KIF26A: variants seen among roughly 807,000 people sequenced by gnomAD.
KIF26A encodes kinesin-like protein KIF26A.
Under a neutral mutation model 126.0 loss-of-function variants are expected in KIF26A, and 74 were observed. The ratio of observed to expected loss-of-function variants is 0.59; its 90% CI spans 0.49 to 0.71. The LOEUF (loss-of-function observed/expected upper bound fraction) is 0.71, where lower values mean the gene tolerates loss of function less well. KIF26A is among the 30% of genes least tolerant of loss of function. KIF26A has a pLI of 0.00. For synonymous variants in KIF26A, 1,445 were observed against 1,232.7 expected (o/e 1.17, Z -3.61); for missense variants, 2,984 against 2,763.3 (o/e 1.08, Z -1.79).
chr14:104,171,750 G>T lies in KIF26A; in HGVS notation c.1141G>T (p.Ala381Ser), dbSNP rs769390689. Residue 381 changes from alanine to serine, a missense_variant, in exon 6 of 15, where the codon GCA (alanine) becomes TCA (serine). Transcript: ENST00000423312. ...GAAGGTTATGCTGCGGATCTGGCCC[G>T]CACAGGGGGCCCAGCGCTCGGCCGA... ...KVKVMLRIWP[A>S]QGAQRSAEAM... 4.4e-6 allele frequency: 7 copies of T among 1,578,770 alleles called. No homozygotes were observed. Among genetic ancestry groups the T allele is most frequent in the Middle Eastern group, 1.7e-4 (1 of 6,018 alleles).
Position 104,175,497 on chromosome 14 carries a change from TG to T in KIF26A, c.2711del (p.Gly904ValfsTer38), listed in dbSNP as rs1017909673. 2 of 1,595,278 alleles carry T rather than the reference TG, an allele frequency of 1.3e-6. No homozygotes were observed. The highest frequency in any genetic ancestry group is 1.7e-6 in the Non-Finnish European group (2 of 1,177,740). On this transcript the variant is annotated frameshift_variant, in exon 12 of 15. Transcript: ENST00000423312. LOFTEE classifies it high-confidence loss of function. ...CTGCCAGCACCCCTCGAGGCAGTTC[TG>T]GTCCAGACACCCACCAGGGTACCCC... ...MAASTPRGSSGPDTHQGTPEP... is the reference protein window; with the variant it reads ...MAASTPRGSSXPDTHQGTPEP...
chr14:104,162,966 A>G (rs28613749), intron 4 of KIF26A, among the ~76,000 whole-genome samples: 77,617 of 152,096 alleles, frequency 0.51, 20,301 homozygotes, highest in African/African-American at 0.64. Context: ...TTGGAGCAGC[A>G]CCAGGCAGCA....
chr14:104,172,095 G>T (rs1195987654), intron 6 of KIF26A, among the ~76,000 whole-genome samples, 160 bp downstream of exon 6: 1 of 152,238 alleles, frequency 6.6e-6, no homozygotes, highest in African/African-American at 2.4e-5. Flanking sequence ...CTCCCTCATC[G>T]TCCTGGCCAG....
In KIF26A at chr14:104,139,064, C is replaced by A. The variant is rs1372190794; in HGVS notation, c.64C>A (p.Arg22Ser). ...QPAVAEGGPA[R>S]EPPPLLEVSP... ...GCAGGTGGCCGAGGGCGGCCCGGCC[C>A]GCGAGCCGCCGCCGCTGCTGGAGGT... The change falls in exon 2 of 15, where the codon CGC becomes AGC. Residue 22 changes from arginine to serine, a missense_variant. Arg to Ser is a moderately radical substitution (Grantham distance 110). Transcript: ENST00000423312. 3.6e-6 allele frequency: 5 copies of A among 1,381,418 alleles called. No homozygotes were observed. The highest frequency in any genetic ancestry group is 1.9e-6 in the Non-Finnish European group (2 of 1,074,816). The allele number at this position is 1,381,418 out of a possible 1,614,324, so 85.6% of individuals were successfully genotyped here. A position where few individuals can be genotyped will look rare whatever the true frequency, so the allele number is the denominator to read the frequency against.
chr14:104,154,333 G>A (rs991978592), intron 3 of KIF26A, among the ~76,000 whole-genome samples: 3 of 152,196 alleles, frequency 2.0e-5, no homozygotes, highest in Non-Finnish European at 2.9e-5. Context: ...CCTCGGCCGA[G>A]GCTTGGCAGG....
At chr14:104,177,980 C>A in intron 12 of KIF26A, 82 bp downstream of exon 12, 1 of 1,353,832 alleles carries the variant, frequency 7.4e-7, no homozygotes, top group African/African-American at 1.5e-5. Flanking sequence ...GTTTACAGGG[C>A]CAGGAGATGC....
intron 2 of KIF26A, among the ~76,000 whole-genome samples, chr14:104,149,238 G>GC (rs1193704309): frequency 6.6e-6 from 1 of 152,182 alleles, no homozygotes; most frequent in African/African-American, 2.4e-5. Context: ...GCCTCTCAGT[G>GC]CCCCCCATGG....
rs1306045849 is a variant in KIF26A, at chr14:104,179,887, C to T, written c.*97C>T. On this transcript the variant is annotated 3_prime_UTR_variant, in exon 15 of 15. Transcript: ENST00000423312. ...TGGTGGGGGCTGCGGGGGGAGGATGCGGAGGGGTTTCTGTGCAGGACGGGA... is the reference window on the plus strand; with the variant it reads ...TGGTGGGGGCTGCGGGGGGAGGATGTGGAGGGGTTTCTGTGCAGGACGGGA... 144 of 1,182,940 alleles carry T rather than the reference C, an allele frequency of 1.2e-4. No homozygotes were observed. The highest frequency in any genetic ancestry group is 1.1e-4 in the Non-Finnish European group (101 of 886,378). 73.3% of individuals were successfully genotyped at this position (1,182,940 alleles called of 1,614,324 possible). A position where few individuals can be genotyped will look rare whatever the true frequency, so the allele number is the denominator to read the frequency against.
At chr14:104,146,089 C>T (rs1253579375) in intron 2 of KIF26A, among the ~76,000 whole-genome samples, 13 of 152,328 alleles carry the variant, frequency 8.5e-5, no homozygotes, top group Non-Finnish European at 7.3e-5. Context: ...CCCAGCTCTG[C>T]GACCCTGGTG....
chr14:104,162,051 G>C (rs545575244), intron 4 of KIF26A, among the ~76,000 whole-genome samples: 8 of 152,242 alleles, frequency 5.3e-5, no homozygotes, highest in Non-Finnish European at 1.2e-4. Flanking sequence ...GTAGCCAGAT[G>C]GGGGCTGCTG....
rs2038084424 is a variant in KIF26A, at chr14:104,179,971, GAGGGTGCC to G, written c.*188_*195del. 1.5e-5 allele frequency: 10 copies of G among 647,686 alleles called. No individual in the cohort carries two copies. In the South Asian group the frequency reaches 2.3e-4, roughly 15 times the overall value. 40.1% of individuals were successfully genotyped at this position (647,686 alleles called of 1,614,324 possible). A position where few individuals can be genotyped will look rare whatever the true frequency, so the allele number is the denominator to read the frequency against. On this transcript the variant is annotated 3_prime_UTR_variant, in exon 15 of 15. Transcript: ENST00000423312. ...GGGCCGGCCACGCGGTGGACAGAGCGAGGGTGCCAGGGTGACCAGAAGACCGTCACCAC... is the reference window on the plus strand; with the variant it reads ...GGGCCGGCCACGCGGTGGACAGAGCGAGGGTGACCAGAAGACCGTCACCAC...
Position 104,151,692 on chromosome 14 carries a change from G to A in KIF26A, c.289-323G>A, listed in dbSNP as rs775515709. On this transcript the variant is annotated intron_variant, in intron 2 of 14. Coordinates refer to ENST00000423312, the MANE Select transcript of KIF26A (RefSeq NM_015656.2). This position sits in a 1 kb window ranked among gnomAD's most constrained non-coding sequence, Gnocchi z 4.9. Reference sequence around the variant, plus strand: ...TCTTGCCAGTCTCCTGCGTGTCCCCGGCCAGGCGGCCTTAGCTGACAGTGG... The same window carrying A: ...TCTTGCCAGTCTCCTGCGTGTCCCCAGCCAGGCGGCCTTAGCTGACAGTGG... 6.6e-6 allele frequency among the ~76,000 whole-genome samples: 1 copy of A among 152,200 alleles called. No homozygotes were observed. The highest frequency in any genetic ancestry group is 1.5e-5 in the Non-Finnish European group (1 of 68,030).
intron 5 of KIF26A, 97 bp downstream of exon 5, chr14:104,167,145 T>TCCAC: frequency 7.7e-7 from 1 of 1,291,026 alleles, no homozygotes; most frequent in Non-Finnish European, 1.0e-6. Context: ...TGCCACTTCC[T>TCCAC]TCTCTGGGTT....
intron 2 of KIF26A, among the ~76,000 whole-genome samples, chr14:104,144,291 C>T (rs1007340784): frequency 2.0e-5 from 3 of 151,948 alleles, no homozygotes; most frequent in African/African-American, 4.8e-5. Context: ...TAGCGGCTTC[C>T]GGGGTACAAG....
rs1157596677 is a variant in KIF26A, at chr14:104,171,754, A to G, written c.1145A>G (p.Gln382Arg). The change falls in exon 6 of 15, where the codon CAG (glutamine) becomes CGG (arginine). Residue 382 changes from glutamine (Q) to arginine (R), a missense_variant. Gln to Arg is a conservative substitution (Grantham distance 43, BLOSUM62 1). Transcript: ENST00000423312. ...GTTATGCTGCGGATCTGGCCCGCAC[A>G]GGGGGCCCAGCGCTCGGCCGAGGCC... ...VKVMLRIWPA[Q>R]GAQRSAEAMS... 1 of 1,580,098 alleles carries G rather than the reference A, an allele frequency of 6.3e-7. No individual in the cohort carries two copies. The highest frequency in any genetic ancestry group is 1.8e-5 in the Admixed American group (1 of 55,788).
Position 104,166,793 on chromosome 14 carries a change from G to T in KIF26A, c.924-66G>T, listed in dbSNP as rs563340710. On this transcript the variant is annotated intron_variant, in intron 4 of 14. Coordinates refer to ENST00000423312, the MANE Select transcript of KIF26A (RefSeq NM_015656.2). ...CCAGGGTGGGATCGCCTGGTGACTC[G>T]CAGGCGGGTGACAGGAACAGCTGCT... 3.6e-6 allele frequency: 5 copies of T among 1,396,432 alleles called. No individual in the cohort carries two copies. In the East Asian group the frequency reaches 1.1e-4, roughly 30 times the overall value. 86.5% of individuals were successfully genotyped at this position (1,396,432 alleles called of 1,614,324 possible). A position where few individuals can be genotyped will look rare whatever the true frequency, so the allele number is the denominator to read the frequency against.
rs1341043203 is a variant in KIF26A, at chr14:104,152,526, G to A, written c.735+65G>A. ...TTGTCAGAACTGGGCTTCCTTCGGG[G>A]GTCTCTGTCCACGTTGAGTGCCCTG... is the stretch of plus-strand genomic sequence containing the variant. On this transcript the variant is annotated intron_variant, in intron 3 of 14. Transcript: ENST00000423312. This position sits in a 1 kb window ranked among gnomAD's most constrained non-coding sequence, Gnocchi z 5.9. 2.8e-6 allele frequency: 4 copies of A among 1,443,750 alleles called. No individual in the cohort carries two copies. The highest frequency in any genetic ancestry group is 2.8e-5 in the South Asian group (2 of 70,730). 89.4% of individuals were successfully genotyped at this position (1,443,750 alleles called of 1,614,324 possible). A position where few individuals can be genotyped will look rare whatever the true frequency, so the allele number is the denominator to read the frequency against.
At position 104,148,725 on chromosome 14, in the gene KIF26A, C is replaced by A. The variant is rs1290759561; in HGVS notation, c.289-3290C>A. Among the ~76,000 whole-genome samples, 1 of 151,898 alleles carries A rather than the reference C, an allele frequency of 6.6e-6. No individual in the cohort carries two copies. Among genetic ancestry groups the A allele is most frequent in the Non-Finnish European group, 1.5e-5 (1 of 67,960 alleles). ...TGGGCGGCTTTTGTCTCTCTGAGGG[C>A]TGCGTCTGGGGTCTGCTGTGCGGGG... On this transcript the variant is annotated intron_variant, in intron 2 of 14. Coordinates refer to ENST00000423312, the MANE Select transcript of KIF26A (RefSeq NM_015656.2). This position sits in a 1 kb window ranked among gnomAD's most constrained non-coding sequence, Gnocchi z 4.3.
intron 4 of KIF26A, among the ~76,000 whole-genome samples, chr14:104,165,193 A>G (rs1307511634): frequency 7.9e-6 from 1 of 126,992 alleles, no homozygotes; most frequent in Non-Finnish European, 1.6e-5. Flanking sequence ...TTCTGTATGC[A>G]TGTGTGTGTC....
Sources: allele counts gnomAD v4.1 joint callset (sites outside exome capture counted in the v4.1 genomes callset), GRCh38; gene constraint gnomAD v4.1.1; non-coding constraint Gnocchi (gnomAD v3.1); transcripts MANE v1.5; gene names NCBI Gene and HGNC (gene_info 2026-07-23, HGNC 2026-07-21).